The following UPF2 variants were observed in gnomAD, a reference collection of about 807,000 sequenced individuals.
The protein encoded by UPF2 is UPF2 regulator of nonsense mediated mRNA decay.
In UPF2, 17 loss-of-function variants were observed where a neutral mutation model predicts 141.4. That is an observed-to-expected ratio of 0.12 (90% confidence interval 0.08 to 0.18). The LOEUF (loss-of-function observed/expected upper bound fraction) is 0.18, where lower values mean the gene tolerates loss of function less well. UPF2 is among the 10% of genes least tolerant of loss of function. The pLI is 1.00. For synonymous variants in UPF2, 540 were observed against 498.0 expected (o/e 1.08, Z -1.12); for missense variants, 1,152 against 1,515.9 (o/e 0.76, Z 3.99).
At chr10:12,002,131 C>T (rs1249296122) in intron 5 of UPF2, among the ~76,000 whole-genome samples, 2 of 151,982 alleles carry the variant, frequency 1.3e-5, no homozygotes, top group African/African-American at 4.8e-5. Flanking sequence ...ATTAACTGGG[C>T]ATGGTGGCAC....
At chr10:12,040,888 A>G (rs1194219593) in intron 1 of UPF2, among the ~76,000 whole-genome samples, 1 of 152,218 alleles carries the variant, frequency 6.6e-6, no homozygotes, top group Non-Finnish European at 1.5e-5. Context: ...TTCAGCATAC[A>G]ATGAAAGATT....
chr10:12,010,545 G>A (rs1834109405), intron 4 of UPF2, among the ~76,000 whole-genome samples: 1 of 151,980 alleles, frequency 6.6e-6, no homozygotes, highest in African/African-American at 2.4e-5. Flanking sequence ...AGGAAAGGCA[G>A]GAAAAAATAA....
In UPF2 at chr10:11,936,497, C is replaced by T. The variant is rs768549538; in HGVS notation, c.3546+48G>A. 3 of 1,524,434 alleles carry T rather than the reference C, an allele frequency of 2.0e-6. No homozygotes were observed. The highest frequency in any genetic ancestry group is 2.6e-6 in the Non-Finnish European group (3 of 1,134,596). 94.4% of individuals were successfully genotyped at this position (1,524,434 alleles called of 1,614,324 possible). A position where few individuals can be genotyped will look rare whatever the true frequency, so the allele number is the denominator to read the frequency against. ...AGGTCAAAGATAAGTTAAAACCTAA[C>T]TGTATAACTCACAATCAGCTATAAT... On this transcript the variant is annotated intron_variant, in intron 19 of 21. Coordinates refer to ENST00000357604, the MANE Select transcript of UPF2 (RefSeq NM_015542.4). The surrounding 1 kb of genome is among the most constrained non-coding windows in gnomAD (Gnocchi z 6.6).
At position 11,942,573 on chromosome 10, in the gene UPF2, T is replaced by C; in HGVS notation, c.3378+92A>G. The stretch of plus-strand genomic sequence containing the variant: ...GCAAAAGCTGCTGCAGAAGAGACAC[T>C]TAGATAGGAGAGGCCTTCACATGAA... On this transcript the variant is annotated intron_variant, in intron 18 of 21. Transcript: ENST00000357604. The C allele has an allele frequency of 1.8e-6, 2 of 1,137,628 alleles. 1 individual carries two copies. The highest frequency in any genetic ancestry group is 2.6e-6 in the Non-Finnish European group (2 of 780,840). The allele number at this position is 1,137,628 out of a possible 1,614,324, so 70.5% of individuals were successfully genotyped here. A position where few individuals can be genotyped will look rare whatever the true frequency, so the allele number is the denominator to read the frequency against.
At chr10:12,015,004 A>C (rs572984381) in intron 3 of UPF2, among the ~76,000 whole-genome samples, 5 of 152,332 alleles carry the variant, frequency 3.3e-5, no homozygotes, top group Non-Finnish European at 7.3e-5. Context: ...AAACTACTGA[A>C]AACACCAAAA....
At chr10:12,004,469 A>C in intron 5 of UPF2, 61 bp downstream of exon 5, 1 of 1,338,106 alleles carries the variant, frequency 7.5e-7, no homozygotes, top group Non-Finnish European at 1.0e-6. Context: ...TTTTTTACAA[A>C]TACTATTTTG....
intron 15 of UPF2, among the ~76,000 whole-genome samples, chr10:11,949,065 A>G (rs762536622): frequency 1.1e-4 from 17 of 152,318 alleles, no homozygotes; most frequent in Admixed American, 2.6e-4. Flanking sequence ...CTTCAATAAC[A>G]GCATTCTCCT....
chr10:12,032,252 C>T (rs1166918333), intron 2 of UPF2, among the ~76,000 whole-genome samples: 1 of 151,420 alleles, frequency 6.6e-6, no homozygotes, highest in African/African-American at 2.4e-5. Context: ...CGAGATCGCG[C>T]CATTGCATTC....
intron 1 of UPF2, among the ~76,000 whole-genome samples, chr10:12,041,074 A>G (rs922388738): frequency 2.0e-5 from 3 of 152,210 alleles, no homozygotes; most frequent in African/African-American, 7.2e-5. Context: ...AATAAAATAT[A>G]CAAACACCGT....
chr10:12,019,426 G>A lies in UPF2; in HGVS notation c.1146-5242C>T, dbSNP rs1474294638. Among the ~76,000 whole-genome samples the A allele has an allele frequency of 6.6e-6, 1 of 152,202 alleles. No individual in the cohort carries two copies. The highest frequency in any genetic ancestry group is 1.5e-5 in the Non-Finnish European group (1 of 68,044). On this transcript the variant is annotated intron_variant, in intron 3 of 21. Coordinates refer to ENST00000357604, the MANE Select transcript of UPF2 (RefSeq NM_015542.4). The surrounding 1 kb of genome is among the most constrained non-coding windows in gnomAD (Gnocchi z 4.5). ...AAAAACCATTCTTAGGTGACAGGCT[G>A]TAGAAAAACTAGTCATAGGCTTAAT...
chr10:11,947,019 T>C (rs1415130078), intron 16 of UPF2, among the ~76,000 whole-genome samples: 1 of 152,224 alleles, frequency 6.6e-6, no homozygotes, highest in African/African-American at 2.4e-5. Flanking sequence ...TTGGCCAACA[T>C]GGTGAAACCC....
chr10:12,028,281 ACT>A (rs1299005827), intron 3 of UPF2, among the ~76,000 whole-genome samples: 1 of 152,114 alleles, frequency 6.6e-6, no homozygotes, highest in Non-Finnish European at 1.5e-5. Context: ...ATTTCCCAAA[ACT>A]CTAATCTGAA....
rs775869842 is a variant in UPF2 at position 11,959,679 on chromosome 10, G to A, written c.2185-323C>T. Among the ~76,000 whole-genome samples the A allele has an allele frequency of 6.6e-5, 10 of 152,116 alleles. No homozygotes were observed. Among genetic ancestry groups the A allele is most frequent in the Non-Finnish European group, 1.3e-4 (9 of 68,020 alleles). On this transcript the variant is annotated intron_variant, in intron 11 of 21. Transcript: ENST00000357604. This position sits in a 1 kb window ranked among gnomAD's most constrained non-coding sequence, Gnocchi z 5.9. ...GGAGGTTGAGGTGGGTGGACAGCTT[G>A]AGCCCAGGAGGTGGAGGCTGCAGTA...
At chr10:11,984,733 AAAAG>A (rs1401855569) in intron 8 of UPF2, among the ~76,000 whole-genome samples, 2 of 151,824 alleles carry the variant, frequency 1.3e-5, no homozygotes, top group Admixed American at 6.6e-5. Flanking sequence ...AAAAAAAAAA[AAAAG>A]AGTCTCACTC....
At chr10:11,970,575 G>T (rs1446859572) in intron 9 of UPF2, among the ~76,000 whole-genome samples, 1 of 152,146 alleles carries the variant, frequency 6.6e-6, no homozygotes, top group Non-Finnish European at 1.5e-5. Context: ...ACTTTGGAAG[G>T]CCAAGGCAGG....
At chr10:11,938,847 T>TTTTTTGTTTTTTTTTTG (rs1564337752) in intron 18 of UPF2, among the ~76,000 whole-genome samples, 2 of 119,522 alleles carry the variant, frequency 1.7e-5, no homozygotes, top group African/African-American at 7.4e-5. Context: ...AGCAAGTTTT[T>TTTTTTGTTTTTTTTTTG]TTTTTGTTTT....
In UPF2 at chr10:11,943,057, T is replaced by C; in HGVS notation, c.3279+7A>G. On this transcript the variant is annotated splice_region_variant and intron_variant, in intron 17 of 21. Transcript: ENST00000357604. Reference sequence around the variant, plus strand: ...TTTCAAAAAGTAAATTTTTCAGCCATACGTACAGTATTCTCTTCATCGGTT... The same window carrying C: ...TTTCAAAAAGTAAATTTTTCAGCCACACGTACAGTATTCTCTTCATCGGTT... The C allele has an allele frequency of 1.9e-6, 3 of 1,596,522 alleles. No individual in the cohort carries two copies. Among genetic ancestry groups the C allele is most frequent in the Non-Finnish European group, 2.6e-6 (3 of 1,167,030 alleles).
At position 12,005,202 on chromosome 10, in the gene UPF2, C is replaced by T. The variant is rs371652410; in HGVS notation, c.1307-475G>A. Among the ~76,000 whole-genome samples the T allele has an allele frequency of 2.6e-4, 40 of 151,724 alleles. No homozygotes were observed. In the East Asian group the frequency reaches 5.0e-3, roughly 19 times the overall value. On this transcript the variant is annotated intron_variant, in intron 4 of 21. Transcript: ENST00000357604. ...TCCAAAAACAGACCATAAACCTTTA[C>T]TTAAGAAGCATCCCTCCTTTTGGCA...
intron 3 of UPF2, among the ~76,000 whole-genome samples, chr10:12,020,049 A>T (rs745448020): frequency 3.9e-5 from 6 of 151,938 alleles, no homozygotes; most frequent in Admixed American, 6.6e-5. Flanking sequence ...TTACTAATTT[A>T]ATATTATAAA....
Sources: gnomAD v4.1 joint callset for allele counts (sites outside exome capture counted in the v4.1 genomes callset) on GRCh38, gnomAD v4.1.1 for gene constraint, Gnocchi (gnomAD v3.1) non-coding constraint, MANE v1.5 for transcripts, NCBI Gene and HGNC (gene_info 2026-07-23, HGNC 2026-07-21) for gene names.